KLKB1: variants seen among roughly 807,000 people sequenced by gnomAD.
KLKB1 encodes kallikrein B1.
A neutral mutation model predicts 73.6 loss-of-function variants in KLKB1; 58 were observed. The ratio of observed to expected loss-of-function variants is 0.79; its 90% confidence interval spans 0.64 to 0.98. The LOEUF (loss-of-function observed/expected upper bound fraction) is 0.98, where lower values mean the gene tolerates loss of function less well. KLKB1 is among the 50% of genes least tolerant of loss of function. The probability of loss-of-function intolerance (pLI) is 0.00; values close to 1 mark genes in which losing one functional copy is unlikely to be tolerated. For synonymous variants in KLKB1, 280 were observed against 258.1 expected (o/e 1.08, Z -0.81); for missense variants, 737 against 763.8 (o/e 0.96, Z 0.41).
chr4:186,238,415 C>T (rs766771344), intron 6 of KLKB1, 50 bp downstream of exon 6: 2 of 1,249,038 alleles, frequency 1.6e-6, no homozygotes, highest in African/African-American at 1.5e-5. Flanking sequence ...GGAATAGGAG[C>T]CCCCAGAGAC....
chr4:186,229,958 G>C (rs1304471046), intron 2 of KLKB1, among the ~76,000 whole-genome samples: 2 of 151,342 alleles, frequency 1.3e-5, no homozygotes, highest in African/African-American at 2.4e-5. Context: ...TTTCCAATTT[G>C]ACTTGAAACT....
chr4:186,249,628 G>A (rs1365292338), intron 6 of KLKB1, among the ~76,000 whole-genome samples: 2 of 152,182 alleles, frequency 1.3e-5, no homozygotes, highest in African/African-American at 4.8e-5. Context: ...TTTTAGGATG[G>A]TTGTCAATTT....
chr4:186,241,378 C>T (rs1489075164), intron 6 of KLKB1, among the ~76,000 whole-genome samples: 2 of 152,086 alleles, frequency 1.3e-5, no homozygotes, highest in African/African-American at 2.4e-5. Context: ...AACCAGAACT[C>T]GACCCTTGGG....
At chr4:186,255,317 T>C (rs1489793815) in intron 12 of KLKB1, among the ~76,000 whole-genome samples, 1 of 152,152 alleles carries the variant, frequency 6.6e-6, no homozygotes, top group African/African-American at 2.4e-5. Context: ...TCCCAACACT[T>C]TGGGATGCCC....
chr4:186,256,046 C>T lies in KLKB1; in HGVS notation c.1544C>T (p.Thr515Ile), dbSNP rs1413398061. The T allele has an allele frequency of 6.2e-7, 1 of 1,613,134 alleles. No individual in the cohort carries two copies. Among genetic ancestry groups the T allele is most frequent in the East Asian group, 2.2e-5 (1 of 44,868 alleles). ...PSKGDTSTIYTNCWVTGWGFS... is the reference protein window; with the variant it reads ...PSKGDTSTIYINCWVTGWGFS... ...AAAGGTGACACAAGCACAATTTATA[C>T]CAACTGTTGGGTAACCGGATGGGGC... The change falls in exon 13 of 15, where the codon ACC (threonine) becomes ATC (isoleucine). Residue 515 changes from threonine (T) to isoleucine (I), a missense_variant. Transcript: ENST00000264690.
At chr4:186,216,023 C>T (rs1031331903) in intron 2 of KLKB1, among the ~76,000 whole-genome samples, 16 of 152,088 alleles carry the variant, frequency 1.1e-4, no homozygotes, top group South Asian at 2.1e-4. Flanking sequence ...AACCTCAAGA[C>T]GACATTTGCT....
chr4:186,218,649 T>TGC (rs1554075708), intron 2 of KLKB1, among the ~76,000 whole-genome samples: 45 of 142,884 alleles, frequency 3.1e-4, no homozygotes, highest in African/African-American at 1.1e-3. Flanking sequence ...TGTGTGTGTG[T>TGC]GTGCGCATGT....
At chr4:186,232,416 C>T in intron 3 of KLKB1, 127 bp downstream of exon 3, 2 of 848,144 alleles carry the variant, frequency 2.4e-6, no homozygotes, top group Non-Finnish European at 1.9e-6. Flanking sequence ...CAGCAAAATC[C>T]CGTCAAGTGG....
At chr4:186,243,634 A>G (rs1263822757) in intron 6 of KLKB1, among the ~76,000 whole-genome samples, 1 of 152,192 alleles carries the variant, frequency 6.6e-6, no homozygotes, top group Non-Finnish European at 1.5e-5. Context: ...AGGCATTAAG[A>G]TGGAGAACCC....
chr4:186,240,416 G>A (rs921142727), intron 6 of KLKB1, among the ~76,000 whole-genome samples: 4 of 152,126 alleles, frequency 2.6e-5, no homozygotes, highest in African/African-American at 9.7e-5. Context: ...AAAACTGTAA[G>A]GTCATTCCTT....
At chr4:186,225,866 C>T (rs1737151928), upstream of KLKB1, among the ~76,000 whole-genome samples, 1 of 151,762 alleles carries the variant, frequency 6.6e-6, no homozygotes, top group Admixed American at 6.6e-5. Flanking sequence ...GCAACTTTCT[C>T]TTTCTCTACT....
chr4:186,238,927 C>T (rs4241820), intron 6 of KLKB1, among the ~76,000 whole-genome samples: 310 of 15,332 alleles, frequency 0.02, 106 homozygotes, highest in African/African-American at 0.088. Flanking sequence ...GACAGTGATA[C>T]TGTTATAGTT....
upstream of KLKB1, among the ~76,000 whole-genome samples, chr4:186,224,553 G>C (rs767339472): frequency 6.6e-6 from 1 of 152,192 alleles, no homozygotes; most frequent in Non-Finnish European, 1.5e-5. Context: ...CATATGCTTG[G>C]GACCTGTGGC....
intron 2 of KLKB1, among the ~76,000 whole-genome samples, chr4:186,218,303 G>T (rs1301175718): frequency 6.6e-6 from 1 of 152,080 alleles, no homozygotes; most frequent in East Asian, 1.9e-4. Context: ...CCTCTAGGAG[G>T]AGCTATCCAT....
At position 186,236,934 on chromosome 4, in the gene KLKB1, A is replaced by T. The variant is rs1314928271; in HGVS notation, c.482A>T (p.Glu161Val). 1.2e-6 allele frequency: 2 copies of T among 1,614,132 alleles called. No homozygotes were observed. Among genetic ancestry groups the T allele is most frequent in the Admixed American group, 3.3e-5 (2 of 60,026 alleles). ...SYATQTFHKAEYRNNCLLKYS... is the reference protein window; with the variant it reads ...SYATQTFHKAVYRNNCLLKYS... Reference sequence around the variant, plus strand: ...GCCACGCAAACATTTCACAAGGCAGAGTACCGGTGAGTACAATTCAAGGTG... The same window carrying T: ...GCCACGCAAACATTTCACAAGGCAGTGTACCGGTGAGTACAATTCAAGGTG... The change falls in exon 5 of 15, where the codon GAG (glutamate) becomes GTG (valine). Residue 161 changes from glutamate (E) to valine (V), a missense_variant. Physicochemically the swap from Glu to Val is moderately radical, Grantham distance 121 (BLOSUM62 -2). Transcript: ENST00000264690.
chr4:186,236,425 A>G (rs1013003770), intron 4 of KLKB1, among the ~76,000 whole-genome samples: 1 of 152,218 alleles, frequency 6.6e-6, no homozygotes, highest in Non-Finnish European at 1.5e-5. Flanking sequence ...TAATAATGCA[A>G]ACCTCAGCAC....
intron 6 of KLKB1, among the ~76,000 whole-genome samples, chr4:186,243,234 G>A (rs193297578): frequency 5.3e-4 from 81 of 152,298 alleles, no homozygotes; most frequent in African/African-American, 1.8e-3. Context: ...TTTGAGGATA[G>A]ATTTTTACGA....
upstream of KLKB1, among the ~76,000 whole-genome samples, chr4:186,221,518 A>G (rs1185834695): frequency 1.3e-5 from 2 of 151,832 alleles, no homozygotes; most frequent in African/African-American, 2.4e-5. Flanking sequence ...TTCTCAAGAC[A>G]TTTTTTGATT....
chr4:186,243,678 A>G (rs1738176561), intron 6 of KLKB1, among the ~76,000 whole-genome samples: 1 of 152,196 alleles, frequency 6.6e-6, no homozygotes, highest in African/African-American at 2.4e-5. Flanking sequence ...CAGCCCATAT[A>G]ACCGCATGGT....
Sources: gnomAD v4.1 joint callset for allele counts (sites outside exome capture counted in the v4.1 genomes callset) on GRCh38, gnomAD v4.1.1 for gene constraint, MANE v1.5 for transcripts, NCBI Gene and HGNC (gene_info 2026-07-23, HGNC 2026-07-21) for gene names.